MRPL15: variants seen among roughly 807,000 people sequenced by gnomAD.
The protein encoded by MRPL15 is large ribosomal subunit protein uL15m.
A neutral mutation model predicts 28.0 loss-of-function variants in MRPL15; 24 were observed. The observed-to-expected ratio is 0.86, with a 90% confidence interval of 0.62 to 1.21. The LOEUF (loss-of-function observed/expected upper bound fraction) is 1.21. Among genes scored for constraint, MRPL15 ranks in the 50% most tolerant of loss-of-function variants. The pLI is 0.00. For synonymous variants in MRPL15, 124 were observed against 137.0 expected, an observed-to-expected ratio of 0.90 and a Z score of 0.66; for missense variants, 343 against 372.4, an observed-to-expected ratio of 0.92 and a Z score of 0.65.
intron 3 of MRPL15, 110 bp from the exon 4 acceptor site, chr8:54,142,553 T>TA: frequency 7.8e-7 from 1 of 1,290,292 alleles, no homozygotes; most frequent in Non-Finnish European, 1.1e-6. Flanking sequence ...ACTGTATTGT[T>TA]ATGTTATAGG....
At chr8:54,143,823 T>C (rs1810972209) in intron 4 of MRPL15, among the ~76,000 whole-genome samples, 1 of 152,338 alleles carries the variant, frequency 6.6e-6, no homozygotes, top group Admixed American at 6.5e-5. Flanking sequence ...CACCGAGCCC[T>C]GTGTACTGTG....
At position 54,142,753 on chromosome 8, in the gene MRPL15, G is replaced by A; in HGVS notation, c.520G>A (p.Val174Ile). ...IAAIEKNGGV[V>I]TTAFYDPRSL... ...TGCCATTGAAAAAAATGGTGGTGTT[G>A]TTACTACAGCCTTCTATGATCCAAG... is the stretch of plus-strand genomic sequence containing the variant. The change falls in exon 4 of 5, where the codon GTT becomes ATT. Residue 174 changes from valine to isoleucine, a missense_variant. Coordinates refer to ENST00000260102, the MANE Select transcript of MRPL15 (RefSeq NM_014175.4). The A allele has an allele frequency of 6.2e-7, 1 of 1,614,144 alleles. No homozygotes were observed. Among genetic ancestry groups the A allele is most frequent in the Non-Finnish European group, 8.5e-7 (1 of 1,180,010 alleles).
intron 4 of MRPL15, 81 bp from the exon 5 acceptor site, chr8:54,147,301 C>T (rs1811059273): frequency 9.8e-7 from 1 of 1,018,752 alleles, no homozygotes. Flanking sequence ...AGAGTTACAT[C>T]TCTATGTTAG....
At chr8:54,139,867 AC>A (rs1387002122) in intron 3 of MRPL15, among the ~76,000 whole-genome samples, 5 of 152,232 alleles carry the variant, frequency 3.3e-5, no homozygotes, top group Non-Finnish European at 7.3e-5. Flanking sequence ...ACTGGAACTG[AC>A]ACCAATGCCC....
chr8:54,146,992 G>A (rs57116620), intron 4 of MRPL15, among the ~76,000 whole-genome samples: 1 of 152,270 alleles, frequency 6.6e-6, no homozygotes, highest in East Asian at 1.9e-4. Flanking sequence ...CAGCACTTTG[G>A]GAGGCCCAGG....
At position 54,138,301 on chromosome 8, in the gene MRPL15, C is replaced by CTTTTTTT. The variant is rs71254537; in HGVS notation, c.429+890_429+896dup. On this transcript the variant is annotated intron_variant, in intron 3 of 4. Coordinates refer to ENST00000260102, the MANE Select transcript of MRPL15 (RefSeq NM_014175.4). ...TTGAATGTCAACATATCAGGAAGAT[C>CTTTTTTT]TTTTTTTTTTTTTTTTTTTTTTTTT... Among the ~76,000 whole-genome samples the CTTTTTTT allele has an allele frequency of 8.9e-4, 51 of 57,008 alleles. 5 individuals are homozygous for CTTTTTTT. The East Asian group carries it at 9.6e-3, about 11-fold the overall frequency. 37.4% of individuals were successfully genotyped at this position (57,008 alleles called of 152,430 possible). A position where few individuals can be genotyped will look rare whatever the true frequency, so the allele number is the denominator to read the frequency against.
rs149098917 is a variant in MRPL15 at position 54,146,168 on chromosome 8, G to A, written c.554-1214G>A. Among the ~76,000 whole-genome samples the A allele has an allele frequency of 3.3e-5, 5 of 152,324 alleles. No homozygotes were observed. In the East Asian group the frequency reaches 7.7e-4, roughly 23 times the overall value. ...AAGAGTCAAAAGTCCTTTCCTGGCC[G>A]GGCGCAGTGGCCTCACGCCTGTAAT... On this transcript the variant is annotated intron_variant, in intron 4 of 4. Coordinates refer to ENST00000260102, the MANE Select transcript of MRPL15 (RefSeq NM_014175.4).
intron 4 of MRPL15, among the ~76,000 whole-genome samples, chr8:54,147,052 G>A (rs567468332): frequency 3.6e-4 from 55 of 152,266 alleles, no homozygotes; most frequent in African/African-American, 1.2e-3. Context: ...GACCAACATG[G>A]TCAAACCCCG....
intron 2 of MRPL15, 89 bp from the exon 3 acceptor site, chr8:54,137,178 TG>T: frequency 7.7e-7 from 1 of 1,293,812 alleles, no homozygotes; most frequent in Non-Finnish European, 1.1e-6. Context: ...ATAAAATTGG[TG>T]GAGGAAAACA....
chr8:54,137,421 G>C lies in MRPL15; in HGVS notation c.417G>C (p.Gln139His), dbSNP rs1434669492. ...IQPLKRDYGV[Q>H]LVEEGADTFT... ...CACTTAAAAGGGATTATGGTGTCCA[G>C]CTGGTTGAGGAGGTAAGTCTTGATT... Residue 139 changes from glutamine (Q) to histidine (H), a missense_variant, in exon 3 of 5, where the codon CAG becomes CAC. Physicochemically the swap from Gln to His is conservative, Grantham distance 24. Coordinates refer to ENST00000260102, the MANE Select transcript of MRPL15 (RefSeq NM_014175.4). 5 of 1,613,652 alleles carry C rather than the reference G, an allele frequency of 3.1e-6. No homozygotes were observed. The African/African-American group carries it at 4.0e-5, about 13-fold the overall frequency.
intron 3 of MRPL15, among the ~76,000 whole-genome samples, chr8:54,140,011 GAAA>G (rs1363276903): frequency 6.6e-6 from 1 of 152,120 alleles, no homozygotes; most frequent in Admixed American, 6.6e-5. Context: ...AAAAAAGTGT[GAAA>G]ATGCATCTTA....
Position 54,147,687 on chromosome 8 carries a change from G to A in MRPL15, c.859G>A (p.Asp287Asn). ...MADKKILKPT[D>N]ENLLKYYTS is the part of the protein sequence containing the mutation. ...CGATAAGAAAATCCTAAAACCTACA[G>A]ATGAAAATCTCCTTAAGTATTATAC... The change falls in exon 5 of 5, where the codon GAT becomes AAT. Residue 287 changes from aspartate to asparagine, a missense_variant. Coordinates refer to ENST00000260102, the MANE Select transcript of MRPL15 (RefSeq NM_014175.4). 6.2e-7 allele frequency: 1 copy of A among 1,613,440 alleles called. No individual in the cohort carries two copies. The highest frequency in any genetic ancestry group is 2.2e-5 in the East Asian group (1 of 44,896).
chr8:54,135,737 C>G (rs1012183116), intron 1 of MRPL15, among the ~76,000 whole-genome samples: 1 of 151,818 alleles, frequency 6.6e-6, no homozygotes, highest in African/African-American at 2.4e-5. Context: ...GTTGGCCAGG[C>G]TGGTTTTGAA....
In MRPL15 at chr8:54,147,773, G is replaced by A; in HGVS notation, c.*54G>A. ...AAGAGTACTGGAATAGGGGCTGAAG[G>A]ATCTATATTCCCTTATTGCATTTTC... On this transcript the variant is annotated 3_prime_UTR_variant, in exon 5 of 5. Transcript: ENST00000260102. The A allele has an allele frequency of 7.0e-7, 1 of 1,432,542 alleles. No individual in the cohort carries two copies. Among genetic ancestry groups the A allele is most frequent in the Non-Finnish European group, 9.5e-7 (1 of 1,055,322 alleles). The allele number at this position is 1,432,542 out of a possible 1,614,324, so 88.7% of individuals were successfully genotyped here. A position where few individuals can be genotyped will look rare whatever the true frequency, so the allele number is the denominator to read the frequency against.
intron 3 of MRPL15, among the ~76,000 whole-genome samples, chr8:54,137,674 GGCT>G (rs1810850283): frequency 6.6e-6 from 1 of 152,102 alleles, no homozygotes; most frequent in Non-Finnish European, 1.5e-5. Context: ...ATGTTGGCCA[GGCT>G]GATCTTGAAC....
Position 54,147,723 on chromosome 8 carries a change from C to T in MRPL15, c.*4C>T. 1 of 1,597,736 alleles carries T rather than the reference C, an allele frequency of 6.3e-7. No homozygotes were observed. The highest frequency in any genetic ancestry group is 8.5e-7 in the Non-Finnish European group (1 of 1,171,178). On this transcript the variant is annotated 3_prime_UTR_variant, in exon 5 of 5. Coordinates refer to ENST00000260102, the MANE Select transcript of MRPL15 (RefSeq NM_014175.4). ...CCTTAAGTATTATACCTCATGAATT[C>T]CCGTCCAAGGAAGCAGAGTTGTTAA...
At chr8:54,141,338 G>A (rs187020809) in intron 3 of MRPL15, among the ~76,000 whole-genome samples, 1 of 152,038 alleles carries the variant, frequency 6.6e-6, no homozygotes, top group East Asian at 1.9e-4. Context: ...TATGAAGTCG[G>A]TATTTCCATC....
intron 4 of MRPL15, among the ~76,000 whole-genome samples, chr8:54,145,229 T>G (rs929175987): frequency 6.6e-6 from 1 of 152,180 alleles, no homozygotes; most frequent in Non-Finnish European, 1.5e-5. Flanking sequence ...ATAGAAAATT[T>G]TTTGCACCAT....
intron 3 of MRPL15, among the ~76,000 whole-genome samples, chr8:54,140,590 T>TTTTTTTTTTC (rs1304044942): frequency 1.3e-4 from 19 of 141,110 alleles, no homozygotes; most frequent in African/African-American, 5.1e-4. Flanking sequence ...TTTTTTTTTT[T>TTTTTTTTTTC]TGAGATGGAG....
Sources: allele counts gnomAD v4.1 joint callset (sites outside exome capture counted in the v4.1 genomes callset), GRCh38; gene constraint gnomAD v4.1.1; transcripts MANE v1.5; gene names NCBI Gene and HGNC (gene_info 2026-07-23, HGNC 2026-07-21).